CCDC57: variants seen among roughly 807,000 people sequenced by gnomAD.
CCDC57 encodes coiled-coil domain containing 57.
A neutral mutation model predicts 118.9 loss-of-function variants in CCDC57; 118 were observed. The ratio of observed to expected loss-of-function variants is 0.99; its 90% CI spans 0.86 to 1.16. The LOEUF (loss-of-function observed/expected upper bound fraction) is 1.16, where lower values mean the gene tolerates loss of function less well. Among genes scored for constraint, CCDC57 ranks in the 50% most tolerant of loss-of-function variants. The pLI is 0.00. For synonymous variants in CCDC57, 527 were observed against 532.9 expected (o/e 0.99, Z 0.15); for missense variants, 1,300 against 1,320.7 (o/e 0.98, Z 0.24).
chr17:82,165,411 G>A (rs1386178976), intron 13 of CCDC57, among the ~76,000 whole-genome samples: 1 of 152,070 alleles, frequency 6.6e-6, no homozygotes, highest in African/African-American at 2.4e-5. Flanking sequence ...TCCCAGGGGT[G>A]GCTGGCAAGG....
chr17:82,168,548 A>T (rs888560121), intron 13 of CCDC57, among the ~76,000 whole-genome samples: 8 of 152,222 alleles, frequency 5.3e-5, no homozygotes, highest in Non-Finnish European at 1.0e-4. Flanking sequence ...CAGTGAGCCG[A>T]GATTGTGCCA....
chr17:82,103,573 A>G (rs991450377), intron 19 of CCDC57, among the ~76,000 whole-genome samples: 1 of 152,108 alleles, frequency 6.6e-6, no homozygotes, highest in Non-Finnish European at 1.5e-5. Flanking sequence ...CTAGTGCTCC[A>G]CTGTGACCCT....
intron 13 of CCDC57, among the ~76,000 whole-genome samples, chr17:82,165,308 C>A (rs868543576): frequency 2.6e-5 from 4 of 152,204 alleles, no homozygotes; most frequent in East Asian, 1.9e-4. Flanking sequence ...GCCTGCTAAT[C>A]TCAGCTAAAG....
chr17:82,168,305 T>C (rs2044246150), intron 13 of CCDC57, among the ~76,000 whole-genome samples: 1 of 152,148 alleles, frequency 6.6e-6, no homozygotes, highest in African/African-American at 2.4e-5. Flanking sequence ...CAACAGTTTT[T>C]GTCTTTAGGC....
exon 3 of CCDC57, chr17:82,201,678 C>T (rs2049013845): frequency 1.2e-6 from 2 of 1,613,292 alleles, no homozygotes; most frequent in Non-Finnish European, 1.7e-6. Flanking sequence ...TCACCTCTGC[C>T]CGCCTGGCCT....
chr17:82,153,104 G>T (rs2042262737), intron 15 of CCDC57, among the ~76,000 whole-genome samples: 1 of 152,164 alleles, frequency 6.6e-6, no homozygotes. Context: ...GGCAAGTGTG[G>T]TGCAGAGGCT....
exon 14 of CCDC57, chr17:82,163,261 A>G (rs370579798): frequency 1.4e-5 from 23 of 1,613,932 alleles, no homozygotes; most frequent in Non-Finnish European, 1.7e-5. Flanking sequence ...GAGCTTCCTG[A>G]GTGCCAGTCC....
intron 17 of CCDC57, among the ~76,000 whole-genome samples, chr17:82,132,753 A>G (rs11077971): frequency 0.48 from 64,648 of 135,964 alleles, 16,366 homozygotes; most frequent in East Asian, 0.88. Context: ...TGTAGAGACA[A>G]CCTTGCTTTT....
chr17:82,138,428 A>G (rs996579770), intron 16 of CCDC57, among the ~76,000 whole-genome samples: 2 of 152,068 alleles, frequency 1.3e-5, no homozygotes, highest in African/African-American at 4.8e-5. Flanking sequence ...GATTACAGGC[A>G]TGAGCCACCG....
chr17:82,204,568 G>A (rs1386402585), intron 2 of CCDC57, among the ~76,000 whole-genome samples: 5 of 152,190 alleles, frequency 3.3e-5, no homozygotes, highest in Non-Finnish European at 7.3e-5. Context: ...CGGATCATAA[G>A]GTCAGGAGAT....
chr17:82,195,566 C>T (rs926416634), intron 4 of CCDC57, among the ~76,000 whole-genome samples: 7 of 151,824 alleles, frequency 4.6e-5, no homozygotes, highest in African/African-American at 1.7e-4. Flanking sequence ...ATCGCTTGAG[C>T]CCAGGAATTC....
chr17:82,143,401 T>C (rs1598861449), intron 16 of CCDC57, among the ~76,000 whole-genome samples: 2 of 152,294 alleles, frequency 1.3e-5, no homozygotes, highest in East Asian at 3.9e-4. Flanking sequence ...CTGGTCAAGA[T>C]ACTGAAACCA....
intron 17 of CCDC57, among the ~76,000 whole-genome samples, chr17:82,133,272 G>A (rs1042220520): frequency 2.6e-5 from 4 of 151,872 alleles, no homozygotes; most frequent in South Asian, 2.1e-4. Context: ...TACTTGGAAG[G>A]CTGAGGTGGG....
intron 13 of CCDC57, among the ~76,000 whole-genome samples, chr17:82,164,445 T>C (rs1449625221): frequency 6.6e-6 from 1 of 152,102 alleles, no homozygotes; most frequent in African/African-American, 2.4e-5. Flanking sequence ...AAGATAACGT[T>C]AGTATTAGAT....
At chr17:82,146,501 TC>T (rs2040755797) in intron 16 of CCDC57, among the ~76,000 whole-genome samples, 1 of 152,044 alleles carries the variant, frequency 6.6e-6, no homozygotes, top group African/African-American at 2.4e-5. Context: ...CACCTCAGTC[TC>T]CCAAGTAGCT....
chr17:82,123,207 G>A (rs925183744), intron 19 of CCDC57, among the ~76,000 whole-genome samples: 7 of 146,394 alleles, frequency 4.8e-5, no homozygotes, highest in South Asian at 2.1e-4. Context: ...AGCTCACTGC[G>A]GCCTAGAACT....
intron 14 of CCDC57, among the ~76,000 whole-genome samples, chr17:82,159,439 C>A (rs8077926): frequency 0.47 from 70,850 of 151,728 alleles, 17,311 homozygotes; most frequent in East Asian, 0.88. Context: ...GAGCCCCTCA[C>A]GTGTACATGG....
chr17:82,107,324 T>C (rs2034922118), intron 19 of CCDC57: 2 of 429,924 alleles, frequency 4.7e-6, no homozygotes, highest in African/African-American at 2.0e-5. Flanking sequence ...GGTGGGGGGA[T>C]GCATGGCACA....
At chr17:82,149,337 G>C (rs1000097916) in intron 16 of CCDC57, among the ~76,000 whole-genome samples, 1 of 151,962 alleles carries the variant, frequency 6.6e-6, no homozygotes, top group African/African-American at 2.4e-5. Flanking sequence ...TGGATGCATG[G>C]AGGAACAGAT....
Sources: allele counts gnomAD v4.1 joint callset (sites outside exome capture counted in the v4.1 genomes callset), GRCh38; gene constraint gnomAD v4.1.1; transcripts MANE v1.5; gene names NCBI Gene and HGNC (gene_info 2026-07-23, HGNC 2026-07-21).